The following CHD1L variants were observed in gnomAD, a reference collection of about 807,000 sequenced individuals.
CHD1L encodes ATP-dependent chromatin remodeler CHD1L.
Under a neutral mutation model 115.9 loss-of-function variants are expected in CHD1L, and 118 were observed. The observed-to-expected ratio is 1.02, with a 90% CI of 0.88 to 1.19. The LOEUF is 1.19. Ranked by LOEUF, CHD1L falls within the 50% of genes most tolerant of loss-of-function variation. CHD1L has a pLI of 0.00. For synonymous variants in CHD1L, 411 were observed against 387.1 expected (o/e 1.06, Z -0.72); for missense variants, 1,179 against 1,065.3 (o/e 1.11, Z -1.49).
the CHD1L span, chr1:147,178,581 A>C: frequency 6.2e-7 from 1 of 1,608,164 alleles, no homozygotes; most frequent in Non-Finnish European, 8.5e-7. Context: ...ATGCCTCTAT[A>C]GTAGGTTTTT....
At chr1:147,183,478 T>G in the CHD1L span, among the ~76,000 whole-genome samples, 1 of 152,232 alleles carries the variant, frequency 6.6e-6, no homozygotes, top group Non-Finnish European at 1.5e-5. Flanking sequence ...AAGTACAAAA[T>G]GTATTCCTTC....
At chr1:147,209,266 G>A in the CHD1L span, among the ~76,000 whole-genome samples, 3,686 of 151,964 alleles carry the variant, frequency 0.024, 68 homozygotes, top group South Asian at 0.093. Flanking sequence ...GAAAAACCCC[G>A]TCTCTACTAA....
chr1:147,187,101 G>T, the CHD1L span: 1 of 1,614,106 alleles, frequency 6.2e-7, no homozygotes, highest in Admixed American at 1.7e-5. Flanking sequence ...TTGGAGTGCA[G>T]GGTCCCAGTA....
At chr1:147,224,958 T>G in the CHD1L span, 3 of 1,613,946 alleles carry the variant, frequency 1.9e-6, no homozygotes, top group East Asian at 6.7e-5. Context: ...CCAAGCCTTC[T>G]TCTACGCAGC....
the CHD1L span, chr1:147,187,097 T>G: frequency 6.2e-7 from 1 of 1,613,928 alleles, no homozygotes; most frequent in Non-Finnish European, 8.5e-7. Flanking sequence ...TGGATTGGAG[T>G]GCAGGGTCCC....
At chr1:147,174,851 T>G in the CHD1L span, 1 of 152,196 alleles carries the variant, frequency 6.6e-6, no homozygotes. Context: ...ATAGGAAAAG[T>G]AATGGGTTGT....
At chr1:147,258,992 C>T (rs1553942151) in intron 5 of CHD1L, 1 of 152,064 alleles carries the variant, frequency 6.6e-6, no homozygotes, top group Non-Finnish European at 1.5e-5. Context: ...TAAATTGCAA[C>T]ATAATCATAT....
At chr1:147,182,877 T>C in the CHD1L span, among the ~76,000 whole-genome samples, 1 of 152,314 alleles carries the variant, frequency 6.6e-6, no homozygotes, top group East Asian at 1.9e-4. Flanking sequence ...ACATATCACT[T>C]GTGTTTTAAA....
chr1:147,190,788 T>G, the CHD1L span, among the ~76,000 whole-genome samples: 1 of 152,042 alleles, frequency 6.6e-6, no homozygotes, highest in Non-Finnish European at 1.5e-5. Context: ...ACCCATTAAC[T>G]CGTCATTTAG....
At chr1:147,228,697 C>T in the CHD1L span, among the ~76,000 whole-genome samples, 1 of 152,144 alleles carries the variant, frequency 6.6e-6, no homozygotes, top group East Asian at 1.9e-4. Context: ...TTAATGATCC[C>T]CATTCTAACT....
At chr1:147,274,057 C>T (rs1677314583) in intron 12 of CHD1L, among the ~76,000 whole-genome samples, 1 of 152,138 alleles carries the variant, frequency 6.6e-6, no homozygotes, top group Non-Finnish European at 1.5e-5. Context: ...ATGAAATAAG[C>T]ACCTGAAAAG....
intron 22 of CHD1L, 124 bp from the exon 23 acceptor site, chr1:147,295,307 A>G (rs2103052435): frequency 1.4e-6 from 1 of 699,104 alleles, no homozygotes; most frequent in Non-Finnish European, 2.5e-6. Flanking sequence ...TGTTTATGAT[A>G]TCGTGAGAGA....
chr1:147,269,546 G>C (rs922031339), intron 10 of CHD1L, among the ~76,000 whole-genome samples: 36 of 151,698 alleles, frequency 2.4e-4, no homozygotes, highest in African/African-American at 7.7e-4. Flanking sequence ...GCAGGCGCCT[G>C]TAGTCCCAGC....
the CHD1L span, chr1:147,223,771 T>A: frequency 4.1e-6 from 1 of 245,382 alleles, no homozygotes; most frequent in Non-Finnish European, 8.1e-6. Context: ...TTTTATAAGC[T>A]GCTGAAAGCA....
At chr1:147,267,778 C>G (rs1315298088) in intron 9 of CHD1L, among the ~76,000 whole-genome samples, 1 of 152,190 alleles carries the variant, frequency 6.6e-6, no homozygotes, top group African/African-American at 2.4e-5. Flanking sequence ...ATTGCATTTG[C>G]CATGTCTCTT....
At chr1:147,271,118 G>A in intron 11 of CHD1L, 113 bp downstream of exon 11, 2 of 968,748 alleles carry the variant, frequency 2.1e-6, no homozygotes, top group South Asian at 3.1e-5. Flanking sequence ...AGCAGGGTGA[G>A]AACATTATTC....
chr1:147,211,551 T>G, the CHD1L span: 1 of 152,172 alleles, frequency 6.6e-6, no homozygotes, highest in East Asian at 1.9e-4. Flanking sequence ...CTAATTAAAA[T>G]AAAACAATTT....
At chr1:147,223,108 A>T in the CHD1L span, among the ~76,000 whole-genome samples, 1 of 152,236 alleles carries the variant, frequency 6.6e-6, no homozygotes, top group Non-Finnish European at 1.5e-5. Context: ...GGTACAGAGA[A>T]GCTTAATGAT....
At chr1:147,252,204 G>A (rs1668613582) in intron 1 of CHD1L, among the ~76,000 whole-genome samples, 1 of 152,136 alleles carries the variant, frequency 6.6e-6, no homozygotes, top group Non-Finnish European at 1.5e-5. Flanking sequence ...TTTTCCTTTA[G>A]CATTGATGGC....
Sources: allele counts gnomAD v4.1 joint callset (sites outside exome capture counted in the v4.1 genomes callset), GRCh38; gene constraint gnomAD v4.1.1; transcripts MANE v1.5; gene names NCBI Gene and HGNC (gene_info 2026-07-23, HGNC 2026-07-21).